BRINP3: variants seen among roughly 807,000 people sequenced by gnomAD.
BRINP3 encodes the protein BMP/retinoic acid inducible neural specific 3.
A neutral mutation model predicts 71.0 loss-of-function variants in BRINP3; 19 were observed. The ratio of observed to expected loss-of-function variants is 0.27; its 90% CI spans 0.19 to 0.39. BRINP3 has a LOEUF of 0.39. Among genes scored for constraint, BRINP3 ranks in the 10% least tolerant of loss-of-function variants. BRINP3 has a pLI of 1.00. For synonymous variants in BRINP3, 380 were observed against 337.7 expected, an observed-to-expected ratio of 1.13 and a Z score of -1.37; for missense variants, 959 against 940.8, an observed-to-expected ratio of 1.02 and a Z score of -0.25.
chr1:190,119,402 G>A (rs114127754), intron 7 of BRINP3, among the ~76,000 whole-genome samples: 2,530 of 152,028 alleles, frequency 0.017, 72 homozygotes, highest in African/African-American at 0.056. Context: ...TCAGCCTCCT[G>A]AAAGCTGGGA....
intron 2 of BRINP3, among the ~76,000 whole-genome samples, chr1:190,390,222 G>T (rs551869925): frequency 6.6e-6 from 1 of 151,794 alleles, no homozygotes; most frequent in South Asian, 2.1e-4. Context: ...AAAGGAAAGA[G>T]GGTGGGATGG....
intron 6 of BRINP3, among the ~76,000 whole-genome samples, chr1:190,166,913 CG>C (rs752791501): frequency 2.0e-5 from 3 of 151,986 alleles, no homozygotes; most frequent in Non-Finnish European, 4.4e-5. Context: ...TTAGTAGAGA[CG>C]GGGATTCACC....
chr1:190,343,312 G>A (rs1667791558), intron 2 of BRINP3, among the ~76,000 whole-genome samples: 2 of 151,804 alleles, frequency 1.3e-5, no homozygotes, highest in Admixed American at 6.6e-5. Flanking sequence ...TAAGGCTAGA[G>A]TTTGAGAGAG....
At chr1:190,159,167 GAT>G (rs1432441822) in intron 7 of BRINP3, among the ~76,000 whole-genome samples, 2 of 152,028 alleles carry the variant, frequency 1.3e-5, no homozygotes, top group African/African-American at 4.8e-5. Context: ...AAAACCAAAA[GAT>G]ATTATTTCAT....
intron 6 of BRINP3, among the ~76,000 whole-genome samples, chr1:190,171,805 T>C (rs1652033928): frequency 6.6e-6 from 1 of 152,112 alleles, no homozygotes; most frequent in African/African-American, 2.4e-5. Context: ...GTAATCTGAT[T>C]TTTAAAAATG....
chr1:190,164,557 C>A (rs929657547), intron 6 of BRINP3, among the ~76,000 whole-genome samples: 1 of 151,876 alleles, frequency 6.6e-6, no homozygotes, highest in African/African-American at 2.4e-5. Flanking sequence ...TATCAATACA[C>A]CAAGTACATA....
chr1:190,437,946 T>A, intron 2 of BRINP3, among the ~76,000 whole-genome samples: 1 of 151,696 alleles, frequency 6.6e-6, no homozygotes. Context: ...ATAGTATAAT[T>A]ACAAAAGTAA....
chr1:190,194,266 G>A (rs1654291947), intron 6 of BRINP3, among the ~76,000 whole-genome samples: 2 of 152,076 alleles, frequency 1.3e-5, no homozygotes, highest in African/African-American at 4.8e-5. Context: ...GAAGAAGCAA[G>A]AAAGTATTCT....
chr1:190,321,043 T>A (rs569250579), intron 2 of BRINP3, among the ~76,000 whole-genome samples: 137 of 152,186 alleles, frequency 9.0e-4, no homozygotes, highest in Non-Finnish European at 1.4e-3. Context: ...TAAATAATCC[T>A]TTAAAATAAG....
intron 2 of BRINP3, among the ~76,000 whole-genome samples, chr1:190,287,759 A>C (rs1274464296): frequency 5.3e-5 from 8 of 152,192 alleles, no homozygotes. Context: ...CATTGAAACA[A>C]AAAAGATGAA....
At chr1:190,345,890 T>C (rs1667993122) in intron 2 of BRINP3, among the ~76,000 whole-genome samples, 1 of 151,886 alleles carries the variant, frequency 6.6e-6, no homozygotes, top group South Asian at 2.1e-4. Context: ...ATTCCAAATA[T>C]AGAAAGATGC....
At chr1:190,140,994 A>C (rs937962011) in intron 7 of BRINP3, among the ~76,000 whole-genome samples, 5 of 152,182 alleles carry the variant, frequency 3.3e-5, no homozygotes, top group African/African-American at 1.2e-4. Context: ...TTCAAATAGG[A>C]ACTTGACCAG....
intron 4 of BRINP3, among the ~76,000 whole-genome samples, chr1:190,249,962 A>G (rs1378723227): frequency 6.6e-6 from 1 of 151,980 alleles, no homozygotes; most frequent in Non-Finnish European, 1.5e-5. Flanking sequence ...GAAAGAAAAT[A>G]CAATTAAGGT....
At chr1:190,127,633 T>G (rs1175623929) in intron 7 of BRINP3, among the ~76,000 whole-genome samples, 3 of 151,860 alleles carry the variant, frequency 2.0e-5, no homozygotes, top group Non-Finnish European at 4.4e-5. Flanking sequence ...CCAAGTAAAT[T>G]CCCTTCACAA....
At chr1:190,442,528 T>C (rs1674894515) in intron 2 of BRINP3, among the ~76,000 whole-genome samples, 1 of 152,172 alleles carries the variant, frequency 6.6e-6, no homozygotes, top group South Asian at 2.1e-4. Flanking sequence ...AAAGAATAGG[T>C]AGATTCCACC....
chr1:190,106,986 C>G (rs1652228145), intron 7 of BRINP3, among the ~76,000 whole-genome samples: 1 of 151,886 alleles, frequency 6.6e-6, no homozygotes, highest in Non-Finnish European at 1.5e-5. Flanking sequence ...GGACTCACTA[C>G]TTACTCTCTT....
At chr1:190,177,492 T>G (rs1479294615) in intron 6 of BRINP3, among the ~76,000 whole-genome samples, 1 of 151,846 alleles carries the variant, frequency 6.6e-6, no homozygotes, top group Non-Finnish European at 1.5e-5. Context: ...AGCACCTACT[T>G]CTAGCACAAT....
chr1:190,169,749 A>G (rs1320220835), intron 6 of BRINP3, among the ~76,000 whole-genome samples: 1 of 152,198 alleles, frequency 6.6e-6, no homozygotes. Flanking sequence ...TGATGAAATT[A>G]TATAATTACT....
At chr1:190,232,119 A>G (rs948384500) in intron 5 of BRINP3, among the ~76,000 whole-genome samples, 1 of 151,976 alleles carries the variant, frequency 6.6e-6, no homozygotes, top group Admixed American at 6.6e-5. Context: ...ATCTATATCT[A>G]TTTATCTATC....
Sources: allele counts gnomAD v4.1 joint callset (sites outside exome capture counted in the v4.1 genomes callset), GRCh38; gene constraint gnomAD v4.1.1; transcripts MANE v1.5; gene names NCBI Gene and HGNC (gene_info 2026-07-23, HGNC 2026-07-21).